Variants in DHRS12 observed in about 807,000 individuals in gnomAD.
DHRS12 encodes dehydrogenase/reductase SDR family member 12.
Under a neutral mutation model 32.1 loss-of-function variants are expected in DHRS12, and 29 were observed. The observed-to-expected ratio is 0.90, with a 90% CI of 0.67 to 1.23. The LOEUF (loss-of-function observed/expected upper bound fraction) is 1.23. Ranked by LOEUF, DHRS12 falls within the 50% of genes most tolerant of loss-of-function variation. DHRS12 has a pLI of 0.00. For synonymous variants in DHRS12, 150 were observed against 135.9 expected, an observed-to-expected ratio of 1.10 and a Z score of -0.72; for missense variants, 330 against 337.2, an observed-to-expected ratio of 0.98 and a Z score of 0.17.
chr13:51,799,234 C>G (rs1471288049), intron 2 of DHRS12, among the ~76,000 whole-genome samples: 3 of 152,128 alleles, frequency 2.0e-5, no homozygotes, highest in African/African-American at 7.2e-5. Flanking sequence ...TTAAATTCCA[C>G]TGGGGATTCT....
chr13:51,787,984 C>T (rs1955073018), intron 4 of DHRS12, among the ~76,000 whole-genome samples: 1 of 144,598 alleles, frequency 6.9e-6, no homozygotes, highest in Admixed American at 7.3e-5. Context: ...CACTCGTGGC[C>T]CGGCCGCAGC....
chr13:51,770,756 A>G lies in DHRS12; in HGVS notation c.559+1065T>C, dbSNP rs918761671. The G allele has an allele frequency of 1.3e-5, 13 of 1,000,934 alleles. No individual in the cohort carries two copies. In the East Asian group the frequency reaches 1.3e-3, roughly 103 times the overall value. 62.0% of individuals were successfully genotyped at this position (1,000,934 alleles called of 1,614,324 possible). ...CTATAGGGGTGTGGTAGTTACAAAA[A>G]TAAGATCATGAGGCATGTACTATTC... On this transcript the variant is annotated intron_variant, in intron 7 of 8. Coordinates refer to ENST00000444610, the MANE Select transcript of DHRS12 (RefSeq NM_001377533.1).
At chr13:51,770,724 C>T in intron 7 of DHRS12, 1 of 995,050 alleles carries the variant, frequency 1.0e-6, no homozygotes, top group African/African-American at 1.7e-5. Context: ...CCAACACACA[C>T]CTCTTTCTAT....
intron 2 of DHRS12, chr13:51,797,950 G>A (rs1045734776): frequency 1.3e-6 from 2 of 1,522,194 alleles, no homozygotes; most frequent in Non-Finnish European, 1.8e-6. Flanking sequence ...TACAGCGAGA[G>A]CTACAGAAAC....
chr13:51,768,460 G>A, intron 8 of DHRS12, 164 bp from the exon 9 acceptor site: 1 of 1,442,266 alleles, frequency 6.9e-7, no homozygotes, highest in East Asian at 2.5e-5. Context: ...GGATCAGGCA[G>A]CATGGATTGA....
rs747786122 is a variant in DHRS12 at position 51,782,351 on chromosome 13, G to A, written c.302-5230C>T. ...AGGGATGCCAACATTTAAAGTCCCCGCAGACACGCTGCAGCTGGCTAAGGA... is the reference window on the plus strand; with the variant it reads ...AGGGATGCCAACATTTAAAGTCCCCACAGACACGCTGCAGCTGGCTAAGGA... On this transcript the variant is annotated intron_variant, in intron 4 of 8. Coordinates refer to ENST00000444610, the MANE Select transcript of DHRS12 (RefSeq NM_001377533.1). The surrounding 1 kb of genome is among the most constrained non-coding windows in gnomAD (Gnocchi z 4.2). Among the ~76,000 whole-genome samples, 8 of 152,142 alleles carry A rather than the reference G, an allele frequency of 5.3e-5. No homozygotes were observed. The highest frequency in any genetic ancestry group is 2.1e-4 in the South Asian group (1 of 4,830).
intron 8 of DHRS12, chr13:51,768,821 C>T: frequency 7.8e-7 from 1 of 1,284,424 alleles, no homozygotes; most frequent in Non-Finnish European, 9.9e-7. Flanking sequence ...GAGTCCGTTA[C>T]TCCCTTTGCA....
chr13:51,802,151 G>T (rs1391413578), intron 1 of DHRS12, among the ~76,000 whole-genome samples: 1 of 147,574 alleles, frequency 6.8e-6, no homozygotes, highest in East Asian at 2.0e-4. Flanking sequence ...TCAGTCTCTA[G>T]ATATCAGTCT....
At chr13:51,756,251 C>T in the DHRS12 span, 2 of 1,536,416 alleles carry the variant, frequency 1.3e-6, no homozygotes, top group Non-Finnish European at 1.8e-6. Context: ...GATTACACCT[C>T]TCTGCCAGGA....
At chr13:51,773,620 G>T (rs11148228) in intron 6 of DHRS12, among the ~76,000 whole-genome samples, 12 of 152,044 alleles carry the variant, frequency 7.9e-5, no homozygotes, top group African/African-American at 2.9e-4. Context: ...ACCGCTCGCC[G>T]TCCTCATTCC....
intron 1 of DHRS12, among the ~76,000 whole-genome samples, chr13:51,802,243 T>C (rs1355773384): frequency 3.3e-5 from 5 of 149,650 alleles, no homozygotes; most frequent in Non-Finnish European, 7.4e-5. Context: ...CACCAGAAGG[T>C]AGGTGATCTT....
intron 4 of DHRS12, among the ~76,000 whole-genome samples, chr13:51,781,037 G>T (rs1954680562): frequency 6.6e-6 from 1 of 152,100 alleles, no homozygotes; most frequent in African/African-American, 2.4e-5. Context: ...GCTGTCCCTG[G>T]GAAGTTTCTG....
intron 6 of DHRS12, 21 bp downstream of exon 6, chr13:51,773,909 C>T (rs2138965877): frequency 6.2e-7 from 1 of 1,610,418 alleles, no homozygotes. Context: ...AATGCAGTCT[C>T]AGGAAACCCA....
chr13:51,777,001 T>A (rs748426364), intron 5 of DHRS12, 59 bp downstream of exon 5: 375 of 1,603,810 alleles, frequency 2.3e-4, no homozygotes, highest in Non-Finnish European at 3.0e-4. Context: ...CTAGGCCCAC[T>A]GACTTCCCAT....
chr13:51,787,811 TA>T (rs1409163268), intron 4 of DHRS12, among the ~76,000 whole-genome samples: 24 of 124,344 alleles, frequency 1.9e-4, no homozygotes, highest in Non-Finnish European at 3.9e-4. Context: ...TATTTATATA[TA>T]ATTTATATAT....
chr13:51,770,290 A>G (rs1335056287), intron 7 of DHRS12, among the ~76,000 whole-genome samples: 1 of 152,206 alleles, frequency 6.6e-6, no homozygotes, highest in Non-Finnish European at 1.5e-5. Flanking sequence ...CAGCCCTCCC[A>G]GGCCCCTGTG....
At chr13:51,776,974 G>A in intron 5 of DHRS12, 86 bp downstream of exon 5, 2 of 1,488,734 alleles carry the variant, frequency 1.3e-6, no homozygotes, top group East Asian at 4.5e-5. Flanking sequence ...CCCCCTTAGG[G>A]CAGTCAGGCA....
At chr13:51,801,911 C>T (rs1955773079) in intron 1 of DHRS12, among the ~76,000 whole-genome samples, 1 of 152,208 alleles carries the variant, frequency 6.6e-6, no homozygotes, top group Non-Finnish European at 1.5e-5. Flanking sequence ...CGAATGTTTG[C>T]TGAGGCTGGC....
At chr13:51,759,725 T>C in the DHRS12 span, 3 of 1,613,914 alleles carry the variant, frequency 1.9e-6, no homozygotes, top group Admixed American at 1.7e-5. Context: ...CTGTATCTTC[T>C]TTTTCTTTTT....
Sources: allele counts gnomAD v4.1 joint callset (sites outside exome capture counted in the v4.1 genomes callset), GRCh38; gene constraint gnomAD v4.1.1; non-coding constraint Gnocchi (gnomAD v3.1); transcripts MANE v1.5; gene names NCBI Gene and HGNC (gene_info 2026-07-23, HGNC 2026-07-21).